The following RBFOX1 variants were observed in gnomAD, a reference collection of about 807,000 sequenced individuals.
RBFOX1 encodes the protein RNA binding protein fox-1 homolog 1.
RBFOX1 carries 8 observed loss-of-function variants against 57.7 expected under a neutral mutation model. That is an observed-to-expected ratio of 0.14 (90% confidence interval 0.08 to 0.25). The LOEUF (loss-of-function observed/expected upper bound fraction) is 0.25, where lower values mean the gene tolerates loss of function less well. RBFOX1 is among the 10% of genes least tolerant of loss of function. The probability of loss-of-function intolerance (pLI) is 1.00; values close to 1 mark genes in which losing one functional copy is unlikely to be tolerated. For synonymous variants in RBFOX1, 326 were observed against 222.4 expected, an observed-to-expected ratio of 1.47 and a Z score of -4.15; for missense variants, 611 against 548.5, an observed-to-expected ratio of 1.11 and a Z score of -1.14.
chr16:7,237,571 C>A (rs1316034651), intron 4 of RBFOX1, among the ~76,000 whole-genome samples: 6 of 152,210 alleles, frequency 3.9e-5, no homozygotes, highest in African/African-American at 1.4e-4. Flanking sequence ...GACCAACTGG[C>A]TTCCTATGTC....
chr16:7,108,111 A>G (rs933023447), intron 4 of RBFOX1, among the ~76,000 whole-genome samples: 1 of 152,150 alleles, frequency 6.6e-6, no homozygotes, highest in African/African-American at 2.4e-5. Flanking sequence ...GTGGATGACC[A>G]ATTTTCAGCT....
At chr16:5,617,897 C>T (rs1335985199) in intron 3 of RBFOX1, among the ~76,000 whole-genome samples, 3 of 152,156 alleles carry the variant, frequency 2.0e-5, no homozygotes, top group Non-Finnish European at 2.9e-5. Flanking sequence ...TGAAAGGTAA[C>T]ACTCTTACCT....
chr16:6,184,822 C>T (rs979251527), intron 1 of RBFOX1, among the ~76,000 whole-genome samples: 1 of 152,122 alleles, frequency 6.6e-6, no homozygotes, highest in African/African-American at 2.4e-5. Context: ...CCGCCTCAGC[C>T]TTCCAAAGTG....
chr16:6,780,905 G>C (rs577031250), intron 3 of RBFOX1, among the ~76,000 whole-genome samples: 2 of 152,088 alleles, frequency 1.3e-5, no homozygotes, highest in East Asian at 3.9e-4. Context: ...TCTCTTGTCA[G>C]GTGGGTAGTT....
intron 1 of RBFOX1, among the ~76,000 whole-genome samples, chr16:5,413,405 A>G (rs1490052542): frequency 1.3e-5 from 2 of 152,206 alleles, no homozygotes; most frequent in South Asian, 2.1e-4. Context: ...GCAGCATCCA[A>G]TACATATCCG....
intron 10 of RBFOX1, among the ~76,000 whole-genome samples, chr16:7,622,191 A>G (rs1253628158): frequency 6.6e-6 from 1 of 152,144 alleles, no homozygotes; most frequent in African/African-American, 2.4e-5. Context: ...GGTTGGTATG[A>G]CTTGCAGTTT....
chr16:6,425,957 C>T (rs2093913749), intron 2 of RBFOX1, among the ~76,000 whole-genome samples: 2 of 152,110 alleles, frequency 1.3e-5, no homozygotes, highest in South Asian at 2.1e-4. Flanking sequence ...CCCATTTACC[C>T]CTCCCCCAGC....
chr16:6,517,506 T>C (rs187300420), intron 2 of RBFOX1, among the ~76,000 whole-genome samples: 23 of 152,218 alleles, frequency 1.5e-4, no homozygotes, highest in Non-Finnish European at 3.2e-4. Flanking sequence ...GGCTTCTCTT[T>C]GGCAGCACTT....
At chr16:5,654,450 G>T (rs558994868) in intron 3 of RBFOX1, among the ~76,000 whole-genome samples, 11 of 152,152 alleles carry the variant, frequency 7.2e-5, no homozygotes, top group Non-Finnish European at 1.5e-4. Context: ...ACCATTTCTT[G>T]TGGAGGTTGG....
rs140659980 is a variant in RBFOX1, at chr16:6,533,699, C to T, written c.-63-120904C>T. 2.3e-3 allele frequency among the ~76,000 whole-genome samples: 344 copies of T among 152,188 alleles called. 2 individuals carry two copies. Among genetic ancestry groups the T allele is most frequent in the Non-Finnish European group, 2.8e-3 (193 of 68,012 alleles). On this transcript the variant is annotated intron_variant, in intron 2 of 15. Transcript: ENST00000550418. ...GGAATGGAAACATTTAACTCAGATC[C>T]ATGTTTTCCATCGTAGACACAAATT... is the stretch of plus-strand genomic sequence containing the variant.
intron 4 of RBFOX1, among the ~76,000 whole-genome samples, chr16:7,516,657 G>A (rs746849661): frequency 3.3e-5 from 5 of 152,202 alleles, no homozygotes; most frequent in Admixed American, 2.0e-4. Flanking sequence ...GTTTCCAGTG[G>A]CACAGACATT....
chr16:6,414,169 A>G (rs2093555474), intron 2 of RBFOX1, among the ~76,000 whole-genome samples: 1 of 152,212 alleles, frequency 6.6e-6, no homozygotes, highest in African/African-American at 2.4e-5. Flanking sequence ...CTTTTTAAGC[A>G]GGGGAAGATG....
intron 4 of RBFOX1, among the ~76,000 whole-genome samples, chr16:7,076,437 G>GA: frequency 6.6e-6 from 1 of 151,858 alleles, no homozygotes; most frequent in East Asian, 1.9e-4. Context: ...CCATGCTTGA[G>GA]AAAAAAGTTA....
intron 3 of RBFOX1, among the ~76,000 whole-genome samples, chr16:6,986,245 G>A (rs552547349): frequency 6.7e-6 from 1 of 148,544 alleles, no homozygotes; most frequent in East Asian, 2.0e-4. Flanking sequence ...CTGTCACCCA[G>A]GCTGGAGTGC....
At chr16:7,647,621 A>G (rs755770785) in intron 11 of RBFOX1, among the ~76,000 whole-genome samples, 13 of 152,084 alleles carry the variant, frequency 8.5e-5, no homozygotes, top group Non-Finnish European at 1.9e-4. Flanking sequence ...TTCCCCTAAC[A>G]TTGTTTTTTA....
At chr16:6,703,053 C>A (rs1484208686) in intron 3 of RBFOX1, among the ~76,000 whole-genome samples, 1 of 152,158 alleles carries the variant, frequency 6.6e-6, no homozygotes, top group African/African-American at 2.4e-5. Flanking sequence ...ATCTCACTTG[C>A]CTCAAGGTTT....
At chr16:6,267,257 A>T (rs540042413) in intron 1 of RBFOX1, among the ~76,000 whole-genome samples, 1 of 152,346 alleles carries the variant, frequency 6.6e-6, no homozygotes, top group East Asian at 1.9e-4. Flanking sequence ...ACTGTCAGAG[A>T]TATTAATTTA....
chr16:6,248,228 G>T (rs1339255170), intron 1 of RBFOX1, among the ~76,000 whole-genome samples: 1 of 152,120 alleles, frequency 6.6e-6, no homozygotes. Context: ...AAGATTGGAG[G>T]CCTAGAATTA....
chr16:7,419,401 C>T (rs950365185), intron 4 of RBFOX1, among the ~76,000 whole-genome samples: 4 of 152,220 alleles, frequency 2.6e-5, no homozygotes, highest in African/African-American at 9.7e-5. Context: ...GGACACCTCG[C>T]TTGTGAATGC....
Sources: gnomAD v4.1 joint callset for allele counts (sites outside exome capture counted in the v4.1 genomes callset) on GRCh38, gnomAD v4.1.1 for gene constraint, MANE v1.5 for transcripts, NCBI Gene and HGNC (gene_info 2026-07-23, HGNC 2026-07-21) for gene names.